Variants in GAN observed in about 807,000 individuals in gnomAD.
The protein encoded by GAN is epididymis secretory sperm binding protein.
In GAN, 48 loss-of-function variants were observed where a neutral mutation model predicts 71.3. That is an observed-to-expected ratio of 0.67 (90% CI 0.53 to 0.86). The LOEUF (loss-of-function observed/expected upper bound fraction) is 0.86. GAN is among the 40% of genes least tolerant of loss of function. The probability of loss-of-function intolerance (pLI) is 0.00; values close to 1 mark genes in which losing one functional copy is unlikely to be tolerated. For missense variants in GAN, 928 were observed against 770.1 expected (o/e 1.21, Z -2.43); for synonymous variants, 386 against 276.8 (o/e 1.39, Z -3.92).
intron 1 of GAN, among the ~76,000 whole-genome samples, chr16:81,333,388 T>C (rs1422225731): frequency 6.6e-6 from 1 of 152,184 alleles, no homozygotes; most frequent in Non-Finnish European, 1.5e-5. Flanking sequence ...TCCACTTCTG[T>C]TTTATAACCC....
intron 1 of GAN, among the ~76,000 whole-genome samples, chr16:81,321,077 C>T (rs896723757): frequency 6.6e-6 from 1 of 152,166 alleles, no homozygotes; most frequent in African/African-American, 2.4e-5. Flanking sequence ...TTCAATTTAA[C>T]ACAGATTACT....
At chr16:81,354,781 A>C (rs936291824) in intron 3 of GAN, 26 bp downstream of exon 3, 9 of 1,362,240 alleles carry the variant, frequency 6.6e-6, no homozygotes, top group African/African-American at 1.4e-5. Context: ...AACATGGTCA[A>C]ATTTGCCTTT....
chr16:81,372,945 C>G (rs1263545062), intron 9 of GAN, among the ~76,000 whole-genome samples: 1 of 152,174 alleles, frequency 6.6e-6, no homozygotes, highest in Non-Finnish European at 1.5e-5. Context: ...GTATCCCAGT[C>G]CCAGCAGACT....
At position 81,315,259 on chromosome 16, in the gene GAN, C is replaced by A. The variant is rs1597385706; in HGVS notation, c.146C>A (p.Ala49Glu). ...EEIPVQKNIL[A>E]AASPYIRTKL... ...ATCCCGGTGCAGAAGAACATCCTGG[C>A]GGCGGCCAGCCCGTACATCAGGTGG... The change falls in exon 1 of 11, where the codon GCG (alanine) becomes GAG (glutamate). Residue 49 changes from alanine (A) to glutamate (E), a missense_variant. Transcript: ENST00000648994. The A allele has an allele frequency of 1.3e-6, 2 of 1,569,876 alleles. No individual in the cohort carries two copies. Among genetic ancestry groups the A allele is most frequent in the Non-Finnish European group, 1.7e-6 (2 of 1,159,554 alleles).
rs1297888261 is a variant in GAN, at chr16:81,352,324, A to T, written c.282+627A>T. The stretch of plus-strand genomic sequence containing the variant: ...TACCCAGGGAGGAGAATGATAAACG[A>T]TCAGACTTCTTTCTTTTCCTTTGCC... On this transcript the variant is annotated intron_variant, in intron 2 of 10. Coordinates refer to ENST00000648994, the MANE Select transcript of GAN (RefSeq NM_022041.4). Among the ~76,000 whole-genome samples, 6 of 152,140 alleles carry T rather than the reference A, an allele frequency of 3.9e-5. No homozygotes were observed. In the East Asian group the frequency reaches 1.2e-3, roughly 29 times the overall value.
intron 1 of GAN, among the ~76,000 whole-genome samples, chr16:81,333,494 G>A (rs74527423): frequency 0.021 from 3,218 of 152,270 alleles, 59 homozygotes; most frequent in East Asian, 0.082. Context: ...GGACAACTGG[G>A]GAGGAATAGG....
At position 81,387,426 on chromosome 16, in the gene GAN, C is replaced by T. The variant is rs1168723922; in HGVS notation, c.*9830C>T. On this transcript the variant is annotated 3_prime_UTR_variant, in exon 11 of 11. Transcript: ENST00000648994. ...TGTTGTCATGGTTTTGTCTTGTCCTCCTCCCTGGTGAAAGTCTACTGCAGT... is the reference window on the plus strand; with the variant it reads ...TGTTGTCATGGTTTTGTCTTGTCCTTCTCCCTGGTGAAAGTCTACTGCAGT... The T allele has an allele frequency of 3.3e-5, 5 of 152,364 alleles. No individual in the cohort carries two copies. Among genetic ancestry groups the T allele is most frequent in the African/African-American group, 1.2e-4 (5 of 41,552 alleles). 9.4% of individuals were successfully genotyped at this position (152,364 alleles called of 1,614,324 possible).
chr16:81,317,899 A>G (rs1003044029), intron 1 of GAN, among the ~76,000 whole-genome samples: 4 of 152,206 alleles, frequency 2.6e-5, no homozygotes, highest in Non-Finnish European at 5.9e-5. Flanking sequence ...ATAAACATGA[A>G]TCAGTCAATA....
intron 1 of GAN, among the ~76,000 whole-genome samples, chr16:81,340,487 G>A (rs766482769): frequency 7.9e-5 from 12 of 152,144 alleles, no homozygotes; most frequent in African/African-American, 1.7e-4. Context: ...TGATACCCAG[G>A]CAAACAGGGT....
intron 4 of GAN, among the ~76,000 whole-genome samples, chr16:81,357,458 A>G (rs1340975477): frequency 3.3e-5 from 5 of 152,306 alleles, no homozygotes; most frequent in Admixed American, 3.3e-4. Context: ...ATGGCTGCAT[A>G]GTATTCCATG....
At position 81,378,674 on chromosome 16, in the gene GAN, A is replaced by C. The variant is rs1169249889; in HGVS notation, c.*1078A>C. 6.5e-6 allele frequency: 1 copy of C among 152,676 alleles called. No homozygotes were observed. The highest frequency in any genetic ancestry group is 1.9e-4 in the East Asian group (1 of 5,202). 9.5% of individuals were successfully genotyped at this position (152,676 alleles called of 1,614,324 possible). A position where few individuals can be genotyped will look rare whatever the true frequency, so the allele number is the denominator to read the frequency against. ...TTTGTAATAGAAGTTTCCCAGTGGC[A>C]TTCACTAGTGAGAGTTTTAGACAAA... On this transcript the variant is annotated 3_prime_UTR_variant, in exon 11 of 11. Coordinates refer to ENST00000648994, the MANE Select transcript of GAN (RefSeq NM_022041.4).
intron 1 of GAN, among the ~76,000 whole-genome samples, chr16:81,339,549 G>A (rs1411126814): frequency 6.6e-6 from 1 of 152,216 alleles, no homozygotes; most frequent in Non-Finnish European, 1.5e-5. Context: ...GATAAAGAGG[G>A]CTCCAGCCTC....
chr16:81,388,642 G>C lies in GAN; in HGVS notation c.*11046G>C, dbSNP rs968517084. 1.3e-5 allele frequency: 2 copies of C among 152,462 alleles called. No homozygotes were observed. Among genetic ancestry groups the C allele is most frequent in the Non-Finnish European group, 2.9e-5 (2 of 68,242 alleles). 9.4% of individuals were successfully genotyped at this position (152,462 alleles called of 1,614,324 possible). ...CAGCCCCAGGCTCCCGGACGTGCTC[G>C]GCCCGGTGGCCTCTTGTGTGACAGG... is the stretch of plus-strand genomic sequence containing the variant. On this transcript the variant is annotated 3_prime_UTR_variant, in exon 11 of 11. Transcript: ENST00000648994.
intron 1 of GAN, among the ~76,000 whole-genome samples, chr16:81,330,640 C>T (rs190084653): frequency 3.3e-5 from 5 of 152,204 alleles, no homozygotes; most frequent in Middle Eastern, 3.4e-3. Context: ...ATTGAAGTAC[C>T]ACAGTTATTG....
chr16:81,334,447 A>G (rs569321484), intron 1 of GAN, among the ~76,000 whole-genome samples: 2 of 152,278 alleles, frequency 1.3e-5, no homozygotes, highest in South Asian at 4.1e-4. Flanking sequence ...ACTACATTGC[A>G]TCTCCGAATC....
rs1904489219 is a variant in GAN, at chr16:81,389,082, T to C, written c.*11486T>C. 1.3e-5 allele frequency: 2 copies of C among 152,226 alleles called. No homozygotes were observed. The allele number at this position is 152,226 out of a possible 1,614,324, so 9.4% of individuals were successfully genotyped here. A position where few individuals can be genotyped will look rare whatever the true frequency, so the allele number is the denominator to read the frequency against. On this transcript the variant is annotated 3_prime_UTR_variant, in exon 11 of 11. Coordinates refer to ENST00000648994, the MANE Select transcript of GAN (RefSeq NM_022041.4). The stretch of plus-strand genomic sequence containing the variant: ...TGTGTGGGTGATAACATCTTTTTCC[T>C]AGATCGTACCTCAAAATTCAGGCTC...
rs2150690189 is a variant in GAN, at chr16:81,362,503, ATTTTTGT to A, written c.981_987del (p.Phe327LeufsTer32). 1 of 1,571,216 alleles carries A rather than the reference ATTTTTGT, an allele frequency of 6.4e-7. No individual in the cohort carries two copies. The highest frequency in any genetic ancestry group is 1.1e-5 in the South Asian group (1 of 90,248). On this transcript the variant is annotated frameshift_variant, in exon 6 of 11. Transcript: ENST00000648994. LOFTEE classifies it high-confidence loss of function. ...TGTTTCCTTTGATCTTTGCAGAAGG[ATTTTTGT>A]TTGTATTCGGGGGCCAAGATGAAAA... is the stretch of plus-strand genomic sequence containing the variant.
chr16:81,317,967 G>C (rs577094485), intron 1 of GAN, among the ~76,000 whole-genome samples: 10 of 152,152 alleles, frequency 6.6e-5, no homozygotes, highest in African/African-American at 2.2e-4. Flanking sequence ...TGAAGTGATA[G>C]AATGTCTTGG....
intron 2 of GAN, among the ~76,000 whole-genome samples, chr16:81,352,565 C>T (rs994629576): frequency 6.6e-6 from 1 of 152,064 alleles, no homozygotes; most frequent in African/African-American, 2.4e-5. Flanking sequence ...TTCTTTATCC[C>T]TCTTGTTTTC....
Sources: gnomAD v4.1 joint callset for allele counts (sites outside exome capture counted in the v4.1 genomes callset) on GRCh38, gnomAD v4.1.1 for gene constraint, MANE v1.5 for transcripts, NCBI Gene and HGNC (gene_info 2026-07-23, HGNC 2026-07-21) for gene names.